Variants in ADGRD1 observed in about 807,000 individuals in gnomAD.
The protein encoded by ADGRD1 is G-protein coupled receptor 133.
A neutral mutation model predicts 113.4 loss-of-function variants in ADGRD1; 77 were observed. That is an observed-to-expected ratio of 0.68 (90% CI 0.57 to 0.82). ADGRD1 has a LOEUF of 0.82. ADGRD1 is among the 40% of genes least tolerant of loss of function. ADGRD1 has a pLI of 0.00. For synonymous variants in ADGRD1, 474 were observed against 475.0 expected, an observed-to-expected ratio of 1.00 and a Z score of 0.03; for missense variants, 1,036 against 1,139.1, an observed-to-expected ratio of 0.91 and a Z score of 1.30.
At chr12:131,120,658 C>T (rs1014791692) in intron 19 of ADGRD1, 189 bp from the exon 20 acceptor site, 1 of 660,380 alleles carries the variant, frequency 1.5e-6, no homozygotes, top group Non-Finnish European at 2.7e-6. Flanking sequence ...CCTGGAAAAT[C>T]CTTTCCAAGA....
chr12:131,104,970 C>T (rs369192180), intron 16 of ADGRD1, 36 bp downstream of exon 16: 136 of 1,371,098 alleles, frequency 9.9e-5, no homozygotes, highest in Non-Finnish European at 1.2e-4. Context: ...AACAGTCTCT[C>T]GGCCCCTGCC....
At position 131,140,704 on chromosome 12, in the gene ADGRD1, T is replaced by G. The variant is rs1951222971; in HGVS notation, c.*1441T>G. The stretch of plus-strand genomic sequence containing the variant: ...CCCTTTTGCAGCCCACCTGGTGGCT[T>G]CTTAATGTAACTCTTCCCCTGGTCG... On this transcript the variant is annotated 3_prime_UTR_variant, in exon 25 of 25. Transcript: ENST00000261654. The G allele has an allele frequency of 6.6e-6, 1 of 152,258 alleles. No individual in the cohort carries two copies. 9.4% of individuals were successfully genotyped at this position (152,258 alleles called of 1,614,324 possible). A position where few individuals can be genotyped will look rare whatever the true frequency, so the allele number is the denominator to read the frequency against.
At chr12:131,137,844 C>CCCCCCCCTG in intron 23 of ADGRD1, 3 of 185,976 alleles carry the variant, frequency 1.6e-5, no homozygotes, top group South Asian at 1.4e-4. Context: ...GCCCACCACG[C>CCCCCCCCTG]ATTTGTTTAT....
At chr12:130,974,478 A>G (rs1203963982) in intron 4 of ADGRD1, among the ~76,000 whole-genome samples, 3 of 152,204 alleles carry the variant, frequency 2.0e-5, no homozygotes, top group Admixed American at 2.0e-4. Flanking sequence ...GATCTCATAA[A>G]AATTGTGAAT....
chr12:131,087,835 T>C (rs1441116459), intron 15 of ADGRD1, among the ~76,000 whole-genome samples: 1 of 152,178 alleles, frequency 6.6e-6, no homozygotes, highest in African/African-American at 2.4e-5. Flanking sequence ...ACCTGGATCA[T>C]TGGCGGCAAT....
At chr12:131,078,118 G>T (rs1490166716) in intron 14 of ADGRD1, among the ~76,000 whole-genome samples, 1 of 152,196 alleles carries the variant, frequency 6.6e-6, no homozygotes, top group Non-Finnish European at 1.5e-5. Flanking sequence ...CACACAGGCT[G>T]TGCCACCTCT....
intron 20 of ADGRD1, among the ~76,000 whole-genome samples, chr12:131,126,163 T>C (rs1950733627): frequency 1.3e-5 from 2 of 152,314 alleles, no homozygotes; most frequent in Middle Eastern, 3.4e-3. Flanking sequence ...GGTGGAACTT[T>C]AGGAGCTGAT....
At chr12:131,030,549 G>C (rs964691731) in intron 13 of ADGRD1, 1 of 152,420 alleles carries the variant, frequency 6.6e-6, no homozygotes, top group African/African-American at 2.4e-5. Flanking sequence ...GCAGACACAG[G>C]GTCAGACAGA....
intron 13 of ADGRD1, chr12:131,023,314 G>A (rs1000915867): frequency 1.3e-5 from 2 of 152,152 alleles, no homozygotes; most frequent in African/African-American, 2.4e-5. Context: ...CCCACAGGTT[G>A]GTTGATTTTC....
intron 4 of ADGRD1, among the ~76,000 whole-genome samples, chr12:130,979,714 C>T (rs1295047110): frequency 6.6e-6 from 1 of 152,172 alleles, no homozygotes; most frequent in East Asian, 1.9e-4. Context: ...CTCAGCACCA[C>T]TGAACCCTCT....
At chr12:131,014,757 A>C (rs1278673846) in intron 13 of ADGRD1, among the ~76,000 whole-genome samples, 1 of 152,154 alleles carries the variant, frequency 6.6e-6, no homozygotes, top group Non-Finnish European at 1.5e-5. Context: ...AGGCAAAACC[A>C]TTTTTACGCT....
rs1885545468 is a variant in ADGRD1, at chr12:131,075,652, G to A, written c.1474-1149G>A. Among the ~76,000 whole-genome samples the A allele has an allele frequency of 6.6e-6, 1 of 152,228 alleles. No individual in the cohort carries two copies. Among genetic ancestry groups the A allele is most frequent in the South Asian group, 2.1e-4 (1 of 4,828 alleles). ...GCGATGATAGCCCTGTGAGTCCTTTGGTTCTGCAGTGGGGTCCGAGGTGCC... is the reference window on the plus strand; with the variant it reads ...GCGATGATAGCCCTGTGAGTCCTTTAGTTCTGCAGTGGGGTCCGAGGTGCC... On this transcript the variant is annotated intron_variant, in intron 13 of 24. Transcript: ENST00000261654. This position sits in a 1 kb window ranked among gnomAD's most constrained non-coding sequence, Gnocchi z 5.3.
chr12:131,088,294 C>G (rs1159104571), intron 15 of ADGRD1, among the ~76,000 whole-genome samples: 1 of 152,180 alleles, frequency 6.6e-6, no homozygotes, highest in Non-Finnish European at 1.5e-5. Context: ...AGGTAGCACC[C>G]GGGCCATGGG....
chr12:130,992,535 A>T (rs2030881), intron 8 of ADGRD1, 143 bp downstream of exon 8: 2 of 689,576 alleles, frequency 2.9e-6, no homozygotes, highest in Non-Finnish European at 4.8e-6. Context: ...TCTCATGAAC[A>T]ACCAGCTGGT....
At chr12:131,091,451 G>C (rs1056280018) in intron 15 of ADGRD1, among the ~76,000 whole-genome samples, 1 of 152,182 alleles carries the variant, frequency 6.6e-6, no homozygotes, top group Non-Finnish European at 1.5e-5. Flanking sequence ...ATGAAGTCAC[G>C]AAACGCGGTG....
At chr12:131,001,177 C>A (rs1876343554) in intron 9 of ADGRD1, among the ~76,000 whole-genome samples, 2 of 151,970 alleles carry the variant, frequency 1.3e-5, no homozygotes, top group African/African-American at 4.8e-5. Flanking sequence ...AAGGAGAATA[C>A]ATGACAATAT....
At chr12:131,062,950 C>T (rs558617944) in intron 13 of ADGRD1, among the ~76,000 whole-genome samples, 251 of 152,248 alleles carry the variant, frequency 1.6e-3, no homozygotes, top group Non-Finnish European at 2.4e-3. Context: ...TTGTTCTCAT[C>T]ATGGTCTTAA....
intron 14 of ADGRD1, among the ~76,000 whole-genome samples, chr12:131,081,102 C>T (rs932612936): frequency 5.9e-5 from 9 of 152,104 alleles, no homozygotes; most frequent in Admixed American, 3.9e-4. Flanking sequence ...ACTACTCTAG[C>T]TTTGTTGATT....
rs1304739229 is a variant in ADGRD1, at chr12:130,954,478, C to A, written c.13C>A (p.Leu5Met). ...CTCCGAGAGAGCCATGGAAAAGCTG[C>A]TGCGGCTGTGCTGCTGGTACTCCTG... MEKLLRLCCWYSWLL... is the reference protein window; with the variant it reads MEKLMRLCCWYSWLL... The change falls in exon 1 of 25, where the codon CTG becomes ATG. Residue 5 changes from leucine (L) to methionine (M), a missense_variant. Physicochemically the swap from Leu to Met is conservative, Grantham distance 15. Coordinates refer to ENST00000261654, the MANE Select transcript of ADGRD1 (RefSeq NM_198827.5). The surrounding 1 kb of genome is among the most constrained non-coding windows in gnomAD (Gnocchi z 4.7). 3.2e-6 allele frequency: 5 copies of A among 1,554,832 alleles called. No homozygotes were observed. The highest frequency in any genetic ancestry group is 4.3e-6 in the Non-Finnish European group (5 of 1,150,208).
Sources: gnomAD v4.1 joint callset for allele counts (sites outside exome capture counted in the v4.1 genomes callset) on GRCh38, gnomAD v4.1.1 for gene constraint, Gnocchi (gnomAD v3.1) non-coding constraint, MANE v1.5 for transcripts, NCBI Gene and HGNC (gene_info 2026-07-23, HGNC 2026-07-21) for gene names.